The following PCDHGA9 variants were observed in gnomAD, a reference collection of about 807,000 sequenced individuals.
PCDHGA9 encodes the protein protocadherin gamma subfamily A, 9.
PCDHGA9 carries 37 observed loss-of-function variants against 62.5 expected under a neutral mutation model. The observed-to-expected ratio is 0.59, with a 90% CI of 0.46 to 0.78. The LOEUF (loss-of-function observed/expected upper bound fraction) is 0.78. Ranked by LOEUF, PCDHGA9 falls within the 30% of genes least tolerant of loss-of-function variation. The pLI is 0.00. For missense variants in PCDHGA9, 1,138 were observed against 1,166.2 expected, an observed-to-expected ratio of 0.98 and a Z score of 0.35; for synonymous variants, 459 against 484.6, an observed-to-expected ratio of 0.95 and a Z score of 0.69.
At chr5:141,423,237 C>A in intron 1 of PCDHGA9, 1 of 1,613,916 alleles carries the variant, frequency 6.2e-7, no homozygotes, top group Non-Finnish European at 8.5e-7. Context: ...ACAGCATCCC[C>A]GAAGTCCTGG....
chr5:141,456,047 A>G (rs1321504293), intron 1 of PCDHGA9, among the ~76,000 whole-genome samples: 3 of 151,774 alleles, frequency 2.0e-5, no homozygotes, highest in Non-Finnish European at 4.4e-5. Context: ...ACAGGCGCCC[A>G]CCACCACGTC....
intron 1 of PCDHGA9, among the ~76,000 whole-genome samples, chr5:141,451,138 A>T (rs1348825654): frequency 6.6e-6 from 1 of 152,242 alleles, no homozygotes; most frequent in East Asian, 1.9e-4. Flanking sequence ...TTATGATTGT[A>T]TTTAGACTAG....
At chr5:141,413,572 A>C in intron 1 of PCDHGA9, 2 of 1,613,890 alleles carry the variant, frequency 1.2e-6, no homozygotes, top group Non-Finnish European at 1.7e-6. Context: ...TATCAATGAC[A>C]ATGCTCCAAA....
At chr5:141,507,106 A>T (rs1205648425) in intron 3 of PCDHGA9, 1 of 152,118 alleles carries the variant, frequency 6.6e-6, no homozygotes, top group African/African-American at 2.4e-5. Context: ...TACTATAGGG[A>T]CCATGGCTGC....
intron 1 of PCDHGA9, chr5:141,419,981 AT>A (rs1205154474): frequency 1.2e-6 from 2 of 1,614,052 alleles, no homozygotes; most frequent in Admixed American, 3.3e-5. Flanking sequence ...CCTCGCGGTG[AT>A]TCTAGCTATT....
chr5:141,450,581 G>A (rs2098686464), intron 1 of PCDHGA9, among the ~76,000 whole-genome samples: 1 of 151,878 alleles, frequency 6.6e-6, no homozygotes, highest in Non-Finnish European at 1.5e-5. Context: ...CTGCCTCCCA[G>A]GTTCAAGCAA....
intron 1 of PCDHGA9, among the ~76,000 whole-genome samples, chr5:141,433,397 A>ATCTC (rs1179042498): frequency 6.6e-6 from 1 of 150,410 alleles, no homozygotes; most frequent in African/African-American, 2.5e-5. Flanking sequence ...CTATCTATCT[A>ATCTC]TCTATCTATT....
intron 2 of PCDHGA9, among the ~76,000 whole-genome samples, chr5:141,499,869 G>A (rs1247615457): frequency 3.3e-5 from 5 of 151,938 alleles, no homozygotes; most frequent in Non-Finnish European, 5.9e-5. Context: ...TGTATTTTCA[G>A]TACAAACAGG....
intron 1 of PCDHGA9, chr5:141,415,561 T>C (rs11575963): frequency 0.067 from 108,836 of 1,614,090 alleles, 4,260 homozygotes; most frequent in Non-Finnish European, 0.077. Context: ...CGATCCTTTG[T>C]CTTTGTTAGA....
At chr5:141,496,583 C>A (rs990137003) in intron 2 of PCDHGA9, among the ~76,000 whole-genome samples, 1 of 152,168 alleles carries the variant, frequency 6.6e-6, no homozygotes, top group African/African-American at 2.4e-5. Flanking sequence ...TTTAGGAACG[C>A]AAAGCGCTTC....
At chr5:141,500,026 T>G (rs1297397353) in intron 2 of PCDHGA9, among the ~76,000 whole-genome samples, 1 of 151,974 alleles carries the variant, frequency 6.6e-6, no homozygotes, top group Non-Finnish European at 1.5e-5. Flanking sequence ...TATATTTGAG[T>G]GAGTGTCTCT....
At chr5:141,426,779 T>G in intron 1 of PCDHGA9, 6 of 456,698 alleles carry the variant, frequency 1.3e-5, no homozygotes, top group Non-Finnish European at 1.8e-5. Context: ...GGCCTCACTC[T>G]CTCCAGAGTT....
chr5:141,420,804 G>C (rs1283868316), intron 1 of PCDHGA9, among the ~76,000 whole-genome samples: 1 of 152,188 alleles, frequency 6.6e-6, no homozygotes, highest in Non-Finnish European at 1.5e-5. Context: ...TAAAAATTAA[G>C]CAAGCCCTTT....
chr5:141,410,332 C>T (rs541138780), intron 1 of PCDHGA9: 2 of 1,614,002 alleles, frequency 1.2e-6, no homozygotes, highest in Non-Finnish European at 1.7e-6. Context: ...TGATTCTGGC[C>T]ATTGCCTTGC....
Position 141,403,717 on chromosome 5 carries a change from G to T in PCDHGA9, c.765G>T (p.Val255=). ...RIYRVKVLEN[V]PPGTWLLTAT... ...ACCGAGTTAAAGTCCTTGAGAACGT[G>T]CCCCCAGGCACCTGGCTGCTTACTG... The change falls in exon 1 of 4, where the codon GTG becomes GTT. Residue 255 remains valine, a synonymous_variant. Transcript: ENST00000573521. 1 of 1,613,936 alleles carries T rather than the reference G, an allele frequency of 6.2e-7. No individual in the cohort carries two copies. Among genetic ancestry groups the T allele is most frequent in the Non-Finnish European group, 8.5e-7 (1 of 1,179,896 alleles).
chr5:141,472,364 AC>A (rs2099278314), intron 1 of PCDHGA9, among the ~76,000 whole-genome samples: 1 of 151,866 alleles, frequency 6.6e-6, no homozygotes, highest in Non-Finnish European at 1.5e-5. Flanking sequence ...ACACGGTGAA[AC>A]CCCGTCTCCA....
At chr5:141,475,866 C>T in intron 1 of PCDHGA9, 1 of 504,862 alleles carries the variant, frequency 2.0e-6, no homozygotes, top group South Asian at 2.9e-5. Context: ...GCTCATTCTT[C>T]GTGCAGTTAT....
At chr5:141,456,336 G>A (rs2098850873) in intron 1 of PCDHGA9, among the ~76,000 whole-genome samples, 1 of 152,242 alleles carries the variant, frequency 6.6e-6, no homozygotes, top group Non-Finnish European at 1.5e-5. Context: ...TGATCTAAGG[G>A]TCCTCGGAAG....
Position 141,414,535 on chromosome 5 carries a change from C to T in PCDHGA9, c.2424+9159C>T, listed in dbSNP as rs2095756820. The T allele has an allele frequency of 6.2e-7, 1 of 1,613,962 alleles. No individual in the cohort carries two copies. On this transcript the variant is annotated intron_variant, in intron 1 of 3. Coordinates refer to ENST00000573521, the MANE Select transcript of PCDHGA9 (RefSeq NM_018921.3). The stretch of plus-strand genomic sequence containing the variant: ...AGTGGCAGATATCAATGACAACCCA[C>T]CTACCTTCTCTCAAGTCTCCTACTT...
Sources: gnomAD v4.1 joint callset for allele counts (sites outside exome capture counted in the v4.1 genomes callset) on GRCh38, gnomAD v4.1.1 for gene constraint, MANE v1.5 for transcripts, NCBI Gene and HGNC (gene_info 2026-07-23, HGNC 2026-07-21) for gene names.